CD5: variants seen among roughly 807,000 people sequenced by gnomAD.
CD5 encodes T-cell surface glycoprotein CD5.
A neutral mutation model predicts 60.3 loss-of-function variants in CD5; 36 were observed. The ratio of observed to expected loss-of-function variants is 0.60; its 90% CI spans 0.46 to 0.79. The LOEUF is 0.79. CD5 is among the 30% of genes least tolerant of loss of function. The probability of loss-of-function intolerance (pLI) is 0.00; values close to 1 mark genes in which losing one functional copy is unlikely to be tolerated. For missense variants in CD5, 540 were observed against 630.6 expected, an observed-to-expected ratio of 0.86 and a Z score of 1.54; for synonymous variants, 230 against 257.6, an observed-to-expected ratio of 0.89 and a Z score of 1.03.
At chr11:61,094,009 C>T in the CD5 span, among the ~76,000 whole-genome samples, 1 of 152,126 alleles carries the variant, frequency 6.6e-6, no homozygotes, top group African/African-American at 2.4e-5. Flanking sequence ...CCTTCTTTAA[C>T]TTGGTGTCTG....
At chr11:61,113,598 T>C (rs1860890908) in intron 1 of CD5, among the ~76,000 whole-genome samples, 1 of 152,226 alleles carries the variant, frequency 6.6e-6, no homozygotes, top group African/African-American at 2.4e-5. Context: ...CTGTCATTCT[T>C]ATCCTGCCTT....
chr11:61,101,662 ACACACACATCAACATGGCGATCACAAT>A (rs1860690732), upstream of CD5, among the ~76,000 whole-genome samples: 1 of 151,662 alleles, frequency 6.6e-6, no homozygotes, highest in East Asian at 2.0e-4. Flanking sequence ...CATGGAGATC[ACACACACATCAACATGGCGATCACAAT>A]CACACACATC....
chr11:61,110,055 G>C (rs1049046665), intron 1 of CD5, among the ~76,000 whole-genome samples: 1 of 152,160 alleles, frequency 6.6e-6, no homozygotes, highest in African/African-American at 2.4e-5. Flanking sequence ...AGAGCCCCCA[G>C]AGGGGGTCAG....
intron 1 of CD5, among the ~76,000 whole-genome samples, chr11:61,103,199 G>A (rs1193268285): frequency 6.6e-6 from 1 of 152,222 alleles, no homozygotes; most frequent in Non-Finnish European, 1.5e-5. Flanking sequence ...AGCCAGGCCG[G>A]CTGGGATGAG....
At chr11:61,105,060 G>C (rs1406646418) in intron 1 of CD5, among the ~76,000 whole-genome samples, 1 of 152,040 alleles carries the variant, frequency 6.6e-6, no homozygotes, top group Admixed American at 6.5e-5. Context: ...CAAGGAGAGA[G>C]GCAGCAATGC....
chr11:61,125,836 G>T lies in CD5; in HGVS notation c.1485G>T (p.Leu495=). Residue 495 remains leucine (L), a synonymous_variant, in exon 10 of 11, where the codon CTG becomes CTT. Transcript: ENST00000347785. ...ATGATCTGCATGGGGCTCAGAGGCTGTAAAGGTGAGCCCGTCTCCAGCCTG... is the reference window on the plus strand; with the variant it reads ...ATGATCTGCATGGGGCTCAGAGGCTTTAAAGGTGAGCCCGTCTCCAGCCTG... ...SDYDLHGAQR[L] The T allele has an allele frequency of 6.2e-7, 1 of 1,605,090 alleles. No homozygotes were observed.
Position 61,118,070 on chromosome 11 carries a change from G to C in CD5, c.95-105G>C, listed in dbSNP as rs1819026717. On this transcript the variant is annotated intron_variant, in intron 2 of 10. Transcript: ENST00000347785. The surrounding 1 kb of genome is among the most constrained non-coding windows in gnomAD (Gnocchi z 4.7). ...ACAAGGGGCAAGGCAGGCAGCCCACGGGGCAGGAGGGAGCTCAACTGGGCG... is the reference window on the plus strand; with the variant it reads ...ACAAGGGGCAAGGCAGGCAGCCCACCGGGCAGGAGGGAGCTCAACTGGGCG... 1.7e-6 allele frequency: 2 copies of C among 1,206,824 alleles called. No homozygotes were observed. Among genetic ancestry groups the C allele is most frequent in the African/African-American group, 1.5e-5 (1 of 66,298 alleles). 74.8% of individuals were successfully genotyped at this position (1,206,824 alleles called of 1,614,324 possible). A position where few individuals can be genotyped will look rare whatever the true frequency, so the allele number is the denominator to read the frequency against.
At chr11:61,111,444 G>A (rs577994419) in intron 1 of CD5, among the ~76,000 whole-genome samples, 31 of 152,310 alleles carry the variant, frequency 2.0e-4, no homozygotes, top group Middle Eastern at 3.4e-3. Flanking sequence ...GAACCATACC[G>A]TGGGCTAAGT....
rs369116339 is a variant in CD5 at position 61,123,734 on chromosome 11, G to C, written c.1226-150G>C. Reference sequence around the variant, plus strand: ...AGTTAGGAAACTGAGGCCTACGAGAGACTCCAGGGGGCAGAGCCCAGCAGC... The same window carrying C: ...AGTTAGGAAACTGAGGCCTACGAGACACTCCAGGGGGCAGAGCCCAGCAGC... On this transcript the variant is annotated intron_variant, in intron 7 of 10. Transcript: ENST00000347785. The C allele has an allele frequency of 4.8e-4, 317 of 656,314 alleles. 4 individuals carry two copies. The East Asian group carries it at 6.6e-3, about 14-fold the overall frequency. The allele number at this position is 656,314 out of a possible 1,614,324, so 40.7% of individuals were successfully genotyped here. A position where few individuals can be genotyped will look rare whatever the true frequency, so the allele number is the denominator to read the frequency against.
chr11:61,099,122 T>C (rs1169786037), upstream of CD5, among the ~76,000 whole-genome samples: 5 of 152,206 alleles, frequency 3.3e-5, no homozygotes, highest in Admixed American at 3.3e-4. Context: ...AGACCCTGCC[T>C]CTTCTTCAAG....
At chr11:61,123,111 G>T in intron 7 of CD5, 79 bp downstream of exon 7, 1 of 1,449,526 alleles carries the variant, frequency 6.9e-7, no homozygotes, top group Non-Finnish European at 9.3e-7. Flanking sequence ...CCGGAGGAGG[G>T]GTCATGCCTC....
intron 6 of CD5, 125 bp from the exon 7 acceptor site, chr11:61,122,782 G>A (rs781485008): frequency 1.3e-4 from 139 of 1,045,070 alleles, no homozygotes; most frequent in African/African-American, 1.0e-3. Flanking sequence ...ATTGCCTTCC[G>A]TGCATGCTGG....
At chr11:61,115,255 G>T (rs2134602009) in intron 2 of CD5, among the ~76,000 whole-genome samples, 161 bp downstream of exon 2, 1 of 152,248 alleles carries the variant, frequency 6.6e-6, no homozygotes, top group East Asian at 1.9e-4. Context: ...GCACATAGAT[G>T]CAGACACTGC....
At chr11:61,096,358 C>T in the CD5 span, among the ~76,000 whole-genome samples, 1 of 152,202 alleles carries the variant, frequency 6.6e-6, no homozygotes. Context: ...GCAAGCACCC[C>T]CAAGGAGCCC....
At chr11:61,116,892 C>G (rs1860974369) in intron 2 of CD5, among the ~76,000 whole-genome samples, 1 of 150,950 alleles carries the variant, frequency 6.6e-6, no homozygotes, top group Non-Finnish European at 1.5e-5. Flanking sequence ...CACACAGACA[C>G]ACACACCACA....
chr11:61,104,511 C>T (rs1028439794), intron 1 of CD5, among the ~76,000 whole-genome samples: 1 of 152,158 alleles, frequency 6.6e-6, no homozygotes, highest in African/African-American at 2.4e-5. Flanking sequence ...AACTGAATCC[C>T]ATCATGGGTG....
In CD5 at chr11:61,122,963, G is replaced by C. The variant is rs1393930478; in HGVS notation, c.1156G>C (p.Ala386Pro). The C allele has an allele frequency of 6.2e-7, 1 of 1,613,964 alleles. No individual in the cohort carries two copies. Among genetic ancestry groups the C allele is most frequent in the Admixed American group, 1.7e-5 (1 of 60,002 alleles). Residue 386 changes from alanine (A) to proline (P), a missense_variant, in exon 7 of 11, where the codon GCC (alanine) becomes CCC (proline). Transcript: ENST00000347785. ...AAGTVASIIL[A>P]LVLLVVLLVV... ...AGGCACGGTGGCAAGCATCATCCTG[G>C]CCCTGGTGCTCCTGGTGGTGCTGCT... is the stretch of plus-strand genomic sequence containing the variant.
intron 1 of CD5, among the ~76,000 whole-genome samples, chr11:61,111,907 G>A (rs538333866): frequency 2.0e-5 from 3 of 152,338 alleles, no homozygotes; most frequent in South Asian, 2.1e-4. Context: ...TCTTCACAAC[G>A]GCTCTAGAAA....
At chr11:61,100,097 C>T (rs1407640310), upstream of CD5, among the ~76,000 whole-genome samples, 7 of 115,702 alleles carry the variant, frequency 6.1e-5, no homozygotes, top group South Asian at 3.3e-4. Flanking sequence ...ACATGGAGAT[C>T]ACACACACAT....
Sources: gnomAD v4.1 joint callset for allele counts (sites outside exome capture counted in the v4.1 genomes callset) on GRCh38, gnomAD v4.1.1 for gene constraint, Gnocchi (gnomAD v3.1) non-coding constraint, MANE v1.5 for transcripts, NCBI Gene and HGNC (gene_info 2026-07-23, HGNC 2026-07-21) for gene names.